The following GTPBP4 variants were observed in gnomAD, a reference collection of about 807,000 sequenced individuals.
GTPBP4 encodes GTP binding protein 4.
A neutral mutation model predicts 81.7 loss-of-function variants in GTPBP4; 15 were observed. The observed-to-expected ratio is 0.18, with a 90% CI of 0.12 to 0.28. The LOEUF (loss-of-function observed/expected upper bound fraction) is 0.28. GTPBP4 is among the 10% of genes least tolerant of loss of function. The pLI, the probability that GTPBP4 is intolerant of heterozygous loss-of-function variation, is 1.00. For synonymous variants in GTPBP4, 272 were observed against 274.6 expected (o/e 0.99, Z 0.09); for missense variants, 847 against 793.8 (o/e 1.07, Z -0.81).
chr10:1,008,337 G>A lies in GTPBP4; in HGVS notation c.1114-621G>A, dbSNP rs528311240. The A allele has an allele frequency of 1.0e-3, 380 of 367,032 alleles. 2 individuals are homozygous for A. Among genetic ancestry groups the A allele is most frequent in the African/African-American group, 6.8e-3 (317 of 46,950 alleles). The allele number at this position is 367,032 out of a possible 1,614,324, so 22.7% of individuals were successfully genotyped here. On this transcript the variant is annotated intron_variant, in intron 10 of 16. Transcript: ENST00000360803. ...GGAGAATCGTTTGAACCTGGGAGGT[G>A]GAGGTTGCAGTGAGCCGAGATCACT...
chr10:1,010,334 C>G, intron 12 of GTPBP4, 86 bp from the exon 13 acceptor site: 11 of 700,454 alleles, frequency 1.6e-5, no homozygotes, highest in Middle Eastern at 4.0e-4. Context: ...CGTTGATTTG[C>G]CGTCAGTCAC....
At chr10:988,698 A>G (rs1408585389) in intron 1 of GTPBP4, 171 bp downstream of exon 1, 2 of 614,792 alleles carry the variant, frequency 3.3e-6, no homozygotes, top group East Asian at 5.6e-5. Flanking sequence ...CTCCCCCAGC[A>G]GAATCCGGGG....
chr10:992,628 C>T lies in GTPBP4; in HGVS notation c.188C>T (p.Ser63Leu). 1 of 1,606,882 alleles carries T rather than the reference C, an allele frequency of 6.2e-7. No homozygotes were observed. Among genetic ancestry groups the T allele is most frequent in the East Asian group, 2.2e-5 (1 of 44,818 alleles). ...CAACAGAATTACCATGATAGACTTT[C>T]ACAAATTCTAACAGATTTCCCCAAA... is the stretch of plus-strand genomic sequence containing the variant. ...FTQQNYHDRL[S>L]QILTDFPKLD... The change falls in exon 2 of 17, where the codon TCA (serine) becomes TTA (leucine). Residue 63 changes from serine (S) to leucine (L), a missense_variant. Ser to Leu is a moderately radical substitution (Grantham distance 145, BLOSUM62 -2). Around this residue, in one of 3 missense-constraint regions of GTPBP4, gnomAD observed 241 missense variants for 216.3 expected, o/e 1.11. Transcript: ENST00000360803.
chr10:1,005,730 G>T, intron 8 of GTPBP4, 88 bp from the exon 9 acceptor site: 1 of 759,808 alleles, frequency 1.3e-6, no homozygotes, highest in Non-Finnish European at 2.4e-6. Context: ...GTTCACATTT[G>T]CAGCCTCCAT....
chr10:1,011,140 C>T lies in GTPBP4; in HGVS notation c.1344+620C>T, dbSNP rs760360279. Among the ~76,000 whole-genome samples, 1,193 of 120,266 alleles carry T rather than the reference C, an allele frequency of 9.9e-3. 34 individuals carry two copies. Among genetic ancestry groups the T allele is most frequent in the African/African-American group, 0.028 (863 of 31,256 alleles). The allele number at this position is 120,266 out of a possible 152,430, so 78.9% of individuals were successfully genotyped here. On this transcript the variant is annotated intron_variant, in intron 13 of 16. Transcript: ENST00000360803. ...GAGACTCTGGTGGAGATGCTGGGCC[C>T]CTTCATTCTCCTGCATCCCTCCATC...
chr10:1,010,735 G>A (rs1256346241), intron 13 of GTPBP4, among the ~76,000 whole-genome samples: 2 of 51,360 alleles, frequency 3.9e-5, no homozygotes, highest in Non-Finnish European at 7.8e-5. Context: ...CCCCCTTCCC[G>A]CCGCCTCCAC....
In GTPBP4 at chr10:990,257, G is replaced by A. The variant is rs140120750; in HGVS notation, c.48+1730G>A. On this transcript the variant is annotated intron_variant, in intron 1 of 16. Coordinates refer to ENST00000360803, the MANE Select transcript of GTPBP4 (RefSeq NM_012341.3). ...AACAGATGACTTATCTAAAAACTGG[G>A]TGATGGTAATTGTTTGGTGATTGGA... Among the ~76,000 whole-genome samples, 1,047 of 152,162 alleles carry A rather than the reference G, an allele frequency of 6.9e-3. 13 individuals carry two copies. Among genetic ancestry groups the A allele is most frequent in the Non-Finnish European group, 7.8e-3 (529 of 68,020 alleles).
chr10:1,006,895 T>C, intron 9 of GTPBP4, 123 bp from the exon 10 acceptor site: 1 of 660,506 alleles, frequency 1.5e-6, no homozygotes, highest in Non-Finnish European at 2.8e-6. Flanking sequence ...TGTGGCCCCC[T>C]ACGTGTTAGT....
intron 8 of GTPBP4, among the ~76,000 whole-genome samples, chr10:1,001,915 T>A (rs371667989): frequency 7.7e-4 from 111 of 144,478 alleles, no homozygotes; most frequent in South Asian, 5.0e-3. Context: ...TGCACTTTTT[T>A]TTTTATTTTA....
chr10:1,016,213 A>G (rs1014317536), intron 16 of GTPBP4, among the ~76,000 whole-genome samples: 1 of 111,978 alleles, frequency 8.9e-6, no homozygotes, highest in Non-Finnish European at 2.1e-5. Context: ...GCCACAGCTG[A>G]GCACCAGGAG....
intron 1 of GTPBP4, among the ~76,000 whole-genome samples, chr10:989,717 C>T (rs1304331544): frequency 2.6e-5 from 4 of 152,176 alleles, no homozygotes; most frequent in African/African-American, 9.7e-5. Flanking sequence ...GTTGTTCTGG[C>T]ACATCTCTTG....
intron 8 of GTPBP4, among the ~76,000 whole-genome samples, chr10:1,004,677 G>C (rs1236595139): frequency 6.6e-6 from 1 of 152,192 alleles, no homozygotes; most frequent in Non-Finnish European, 1.5e-5. Context: ...CTATTTACCA[G>C]GAGGCAGGGT....
At chr10:993,289 G>A (rs567571782) in intron 2 of GTPBP4, among the ~76,000 whole-genome samples, 3 of 152,252 alleles carry the variant, frequency 2.0e-5, no homozygotes, top group Non-Finnish European at 2.9e-5. Context: ...GTCTCACTCT[G>A]TTGCCCAGGC....
At chr10:1,014,000 T>C (rs1831928546) in intron 14 of GTPBP4, among the ~76,000 whole-genome samples, 1 of 152,200 alleles carries the variant, frequency 6.6e-6, no homozygotes, top group South Asian at 2.1e-4. Flanking sequence ...CGTGTTGCGG[T>C]GAAGAATGGA....
At position 1,007,103 on chromosome 10, in the gene GTPBP4, C is replaced by G; in HGVS notation, c.1088C>G (p.Ala363Gly). The G allele has an allele frequency of 6.2e-7, 1 of 1,601,274 alleles. No homozygotes were observed. Residue 363 changes from alanine (A) to glycine (G), a missense_variant, in exon 10 of 17, where the codon GCT becomes GGT. Physicochemically the swap from Ala to Gly is moderately conservative, Grantham distance 60. Coordinates refer to ENST00000360803, the MANE Select transcript of GTPBP4 (RefSeq NM_012341.3). Reference protein sequence around the residue: ...VNEVLNRLHLAIPTRRDDKER... With the variant: ...VNEVLNRLHLGIPTRRDDKER... Reference sequence around the variant, plus strand: ...GAGGTGCTGAATAGACTGCACCTGGCTATCCCAACCAGGAGGGACGATAAG... The same window carrying G: ...GAGGTGCTGAATAGACTGCACCTGGGTATCCCAACCAGGAGGGACGATAAG...
intron 5 of GTPBP4, 50 bp from the exon 6 acceptor site, chr10:998,953 C>T (rs760080491): frequency 6.2e-6 from 6 of 974,056 alleles, no homozygotes; most frequent in Non-Finnish European, 8.4e-6. Flanking sequence ...ACAGATCCCA[C>T]GTGTACACAG....
intron 1 of GTPBP4, among the ~76,000 whole-genome samples, chr10:990,416 G>A (rs1167778729): frequency 1.3e-5 from 2 of 152,230 alleles, no homozygotes; most frequent in East Asian, 1.9e-4. Context: ...CTCTTTGGAA[G>A]TCATTTTCAA....
chr10:1,009,194 C>T (rs1831806159), intron 11 of GTPBP4, among the ~76,000 whole-genome samples, 159 bp downstream of exon 11: 1 of 152,210 alleles, frequency 6.6e-6, no homozygotes, highest in Admixed American at 6.5e-5. Flanking sequence ...AGAAGCCTCT[C>T]TCATGGGGCT....
chr10:990,342 G>T (rs957708826), intron 1 of GTPBP4, among the ~76,000 whole-genome samples: 3 of 152,156 alleles, frequency 2.0e-5, no homozygotes, highest in Admixed American at 2.0e-4. Context: ...AGAAGATGTT[G>T]AGTGAGTGCC....
Sources: allele counts gnomAD v4.1 joint callset (sites outside exome capture counted in the v4.1 genomes callset), GRCh38; gene constraint gnomAD v4.1.1; regional missense constraint gnomAD v4.1.1; transcripts MANE v1.5; gene names NCBI Gene and HGNC (gene_info 2026-07-23, HGNC 2026-07-21).